Variants in SCHIP1 observed in about 807,000 individuals in gnomAD.
SCHIP1 encodes the protein schwannomin-interacting protein 1.
In SCHIP1, 8 loss-of-function variants were observed where a neutral mutation model predicts 29.7. The observed-to-expected ratio is 0.27, with a 90% CI of 0.16 to 0.49. The LOEUF (loss-of-function observed/expected upper bound fraction) is 0.49. Among genes scored for constraint, SCHIP1 ranks in the 20% least tolerant of loss-of-function variants. The pLI is 0.99. For missense variants in SCHIP1, 193 were observed against 294.6 expected, an observed-to-expected ratio of 0.66 and a Z score of 2.52; for synonymous variants, 76 against 94.9, an observed-to-expected ratio of 0.80 and a Z score of 1.16.
the SCHIP1 span, among the ~76,000 whole-genome samples, chr3:159,546,069 CAT>C: frequency 2.6e-5 from 4 of 152,038 alleles, no homozygotes; most frequent in South Asian, 6.2e-4. Flanking sequence ...GTGTTCATTG[CAT>C]ATATGTTTGT....
chr3:159,832,566 A>G, the SCHIP1 span, among the ~76,000 whole-genome samples: 1 of 152,140 alleles, frequency 6.6e-6, no homozygotes, highest in East Asian at 1.9e-4. Context: ...TTCCACCCCT[A>G]ACACACGACT....
the SCHIP1 span, among the ~76,000 whole-genome samples, chr3:159,292,373 A>G: frequency 3.9e-5 from 6 of 152,344 alleles, no homozygotes. Context: ...TGTTGAATTT[A>G]TAGCTTGGTG....
the SCHIP1 span, among the ~76,000 whole-genome samples, chr3:159,457,199 C>T: frequency 6.6e-6 from 1 of 152,096 alleles, no homozygotes; most frequent in Non-Finnish European, 1.5e-5. Context: ...CCAACTTCCT[C>T]ATTTAAAAAG....
intron 1 of SCHIP1, among the ~76,000 whole-genome samples, chr3:159,849,948 C>G (rs1439049323): frequency 6.6e-6 from 1 of 152,150 alleles, no homozygotes; most frequent in Non-Finnish European, 1.5e-5. Flanking sequence ...AGGCAGTGTT[C>G]TACATGCTAT....
chr3:159,560,749 A>G, the SCHIP1 span, among the ~76,000 whole-genome samples: 1 of 150,536 alleles, frequency 6.6e-6, no homozygotes, highest in East Asian at 2.0e-4. Flanking sequence ...CTGCTGCTTA[A>G]TGATTTTTCC....
chr3:159,885,962 T>G (rs942957609), intron 2 of SCHIP1, among the ~76,000 whole-genome samples: 1 of 152,334 alleles, frequency 6.6e-6, no homozygotes, highest in South Asian at 2.1e-4. Context: ...TTGTGCTGGG[T>G]GCTCTAACAT....
chr3:159,812,665 G>A, the SCHIP1 span, among the ~76,000 whole-genome samples: 1 of 152,104 alleles, frequency 6.6e-6, no homozygotes, highest in African/African-American at 2.4e-5. Context: ...TTTATATTTT[G>A]TAAATTCACT....
At chr3:159,631,802 A>T in the SCHIP1 span, among the ~76,000 whole-genome samples, 1 of 152,316 alleles carries the variant, frequency 6.6e-6, no homozygotes, top group East Asian at 1.9e-4. Flanking sequence ...ACACTTAAAC[A>T]TGGTTAAAAT....
the SCHIP1 span, among the ~76,000 whole-genome samples, chr3:159,369,311 T>C: frequency 3.3e-5 from 5 of 152,222 alleles, no homozygotes; most frequent in Admixed American, 2.6e-4. Context: ...AATAAAATAA[T>C]AACATAAATG....
chr3:159,758,718 C>T, the SCHIP1 span, among the ~76,000 whole-genome samples: 4 of 152,222 alleles, frequency 2.6e-5, no homozygotes, highest in Non-Finnish European at 4.4e-5. Context: ...GCACCATTCA[C>T]ATTGCCATCT....
At chr3:159,548,731 CATTAA>C in the SCHIP1 span, among the ~76,000 whole-genome samples, 3 of 151,840 alleles carry the variant, frequency 2.0e-5, no homozygotes, top group African/African-American at 7.3e-5. Context: ...TCTGGAAGTC[CATTAA>C]ATTATTTAGT....
At chr3:159,884,383 G>GTGTA (rs1239522062) in intron 2 of SCHIP1, among the ~76,000 whole-genome samples, 1 of 151,650 alleles carries the variant, frequency 6.6e-6, no homozygotes, top group African/African-American at 2.4e-5. Flanking sequence ...GTGTGTGTGT[G>GTGTA]TGTGTGTTTA....
the SCHIP1 span, among the ~76,000 whole-genome samples, chr3:159,294,322 T>G: frequency 5.9e-5 from 9 of 152,220 alleles, no homozygotes; most frequent in African/African-American, 1.7e-4. Context: ...GCCTCAATAG[T>G]AAATGACAAA....
At chr3:159,392,647 A>AT in the SCHIP1 span, among the ~76,000 whole-genome samples, 1 of 151,810 alleles carries the variant, frequency 6.6e-6, no homozygotes, top group African/African-American at 2.4e-5. Flanking sequence ...TGAACTCATC[A>AT]TTTTTTATGG....
At chr3:159,328,698 G>C in the SCHIP1 span, among the ~76,000 whole-genome samples, 1 of 152,166 alleles carries the variant, frequency 6.6e-6, no homozygotes, top group South Asian at 2.1e-4. Flanking sequence ...AGGCAGGTGG[G>C]CCAGGCTGGG....
At chr3:159,427,846 T>G in the SCHIP1 span, among the ~76,000 whole-genome samples, 58 of 148,118 alleles carry the variant, frequency 3.9e-4, no homozygotes, top group East Asian at 7.5e-3. Context: ...CCAAAACAGA[T>G]ATATAGATCA....
chr3:159,332,316 C>A, the SCHIP1 span, among the ~76,000 whole-genome samples: 7 of 152,240 alleles, frequency 4.6e-5, no homozygotes, highest in East Asian at 1.4e-3. Flanking sequence ...GCTTTACAGG[C>A]AAAAATTTTG....
chr3:159,629,942 G>A, the SCHIP1 span, among the ~76,000 whole-genome samples: 2 of 152,174 alleles, frequency 1.3e-5, no homozygotes, highest in South Asian at 2.1e-4. Context: ...TATAAGTGGC[G>A]GAACAAAGCA....
the SCHIP1 span, among the ~76,000 whole-genome samples, chr3:159,479,387 A>G: frequency 0.042 from 6,361 of 152,230 alleles, 429 homozygotes; most frequent in African/African-American, 0.14. Flanking sequence ...ATGTCATTGT[A>G]TATGATGGAA....
Sources: gnomAD v4.1 joint callset for allele counts (sites outside exome capture counted in the v4.1 genomes callset) on GRCh38, gnomAD v4.1.1 for gene constraint, MANE v1.5 for transcripts, NCBI Gene and HGNC (gene_info 2026-07-23, HGNC 2026-07-21) for gene names.